Variants in MAP2 observed in about 807,000 individuals in gnomAD.
The protein encoded by MAP2 is microtubule associated protein 2, also known as microtubule-associated protein 2.
MAP2 carries 14 observed loss-of-function variants against 137.6 expected under a neutral mutation model. The ratio of observed to expected loss-of-function variants is 0.10; its 90% CI spans 0.07 to 0.16. The LOEUF (loss-of-function observed/expected upper bound fraction) is 0.16. Among genes scored for constraint, MAP2 ranks in the 10% least tolerant of loss-of-function variants. MAP2 has a pLI of 1.00. For missense variants in MAP2, 2,088 were observed against 2,191.5 expected, an observed-to-expected ratio of 0.95 and a Z score of 0.94; for synonymous variants, 786 against 782.3, an observed-to-expected ratio of 1.00 and a Z score of -0.08.
rs1489707161 is a variant in MAP2 at position 209,600,694 on chromosome 2, G to A, written c.-107+20594G>A. Among the ~76,000 whole-genome samples the A allele has an allele frequency of 5.9e-5, 9 of 152,066 alleles. No homozygotes were observed. The South Asian group carries it at 1.2e-3, about 21-fold the overall frequency. On this transcript the variant is annotated intron_variant, in intron 3 of 15. Coordinates refer to ENST00000682079, the MANE Select transcript of MAP2 (RefSeq NM_001375505.1). ...GAGTCCTCAGTCAGTCCCTATTAAG[G>A]GCAAACCTCCTTGTAGGGCTGACAG...
At chr2:209,581,908 A>G (rs115928745) in intron 3 of MAP2, among the ~76,000 whole-genome samples, 261 of 152,262 alleles carry the variant, frequency 1.7e-3, no homozygotes, top group African/African-American at 6.0e-3. Context: ...CGGTATGCTG[A>G]CAAAATGCAT....
At chr2:209,650,613 G>A (rs552111847) in intron 4 of MAP2, among the ~76,000 whole-genome samples, 4 of 152,182 alleles carry the variant, frequency 2.6e-5, no homozygotes, top group Non-Finnish European at 2.9e-5. Context: ...ATCCTGAAAC[G>A]AAAACGAAAG....
intron 3 of MAP2, among the ~76,000 whole-genome samples, chr2:209,590,613 G>T (rs567265425): frequency 6.6e-6 from 1 of 152,140 alleles, no homozygotes; most frequent in Non-Finnish European, 1.5e-5. Flanking sequence ...GAGATTACAG[G>T]TGTCAGCCAC....
At chr2:209,610,340 C>T (rs1490105659) in intron 3 of MAP2, among the ~76,000 whole-genome samples, 1 of 151,938 alleles carries the variant, frequency 6.6e-6, no homozygotes, top group Non-Finnish European at 1.5e-5. Context: ...GCCAAATCTT[C>T]CAGGACAAGG....
intron 13 of MAP2, among the ~76,000 whole-genome samples, chr2:209,719,664 A>G (rs565004433): frequency 3.3e-5 from 5 of 152,310 alleles, no homozygotes; most frequent in Admixed American, 2.6e-4. Context: ...GATCACTTCA[A>G]TTAAACCGTG....
At chr2:209,502,042 T>TTA (rs2150127351) in intron 1 of MAP2, among the ~76,000 whole-genome samples, 1 of 152,312 alleles carries the variant, frequency 6.6e-6, no homozygotes, top group South Asian at 2.1e-4. Context: ...AGTGAATTGA[T>TTA]TACTAGAGTG....
intron 3 of MAP2, among the ~76,000 whole-genome samples, chr2:209,598,910 G>A (rs945355017): frequency 6.6e-5 from 10 of 151,234 alleles, no homozygotes; most frequent in Non-Finnish European, 1.2e-4. Flanking sequence ...ATAAACATAC[G>A]TGTGCATGTG....
chr2:209,542,297 T>C (rs1559299053), intron 2 of MAP2, among the ~76,000 whole-genome samples: 1 of 152,250 alleles, frequency 6.6e-6, no homozygotes. Context: ...TGTAAACAGA[T>C]ATGCTATCAT....
intron 5 of MAP2, among the ~76,000 whole-genome samples, chr2:209,659,865 C>G (rs995774039): frequency 6.6e-6 from 1 of 151,828 alleles, no homozygotes; most frequent in Non-Finnish European, 1.5e-5. Flanking sequence ...TGTGAAACCC[C>G]GTCTCTACTG....
chr2:209,622,098 A>G (rs2091343046), intron 3 of MAP2, among the ~76,000 whole-genome samples: 1 of 152,218 alleles, frequency 6.6e-6, no homozygotes, highest in Non-Finnish European at 1.5e-5. Context: ...AACAGTGTTC[A>G]TATCTGGCTC....
chr2:209,638,473 C>T (rs2153569681), intron 4 of MAP2, among the ~76,000 whole-genome samples: 1 of 152,078 alleles, frequency 6.6e-6, no homozygotes, highest in East Asian at 1.9e-4. Flanking sequence ...CCAAATCCAC[C>T]CCTAGAAAAA....
At chr2:209,522,066 G>A (rs759414269) in intron 2 of MAP2, among the ~76,000 whole-genome samples, 7 of 152,076 alleles carry the variant, frequency 4.6e-5, no homozygotes, top group Non-Finnish European at 7.4e-5. Flanking sequence ...GACCTGTGTC[G>A]AGCTGCTTCT....
At chr2:209,516,467 G>C (rs1474254981) in intron 2 of MAP2, among the ~76,000 whole-genome samples, 4 of 152,034 alleles carry the variant, frequency 2.6e-5, no homozygotes, top group Admixed American at 6.6e-5. Flanking sequence ...GCATCTTTAA[G>C]GGGTTTTAAG....
chr2:209,496,096 A>G (rs181704002), intron 1 of MAP2, among the ~76,000 whole-genome samples: 6 of 152,194 alleles, frequency 3.9e-5, no homozygotes, highest in Admixed American at 1.3e-4. Context: ...CTCGCTTCCT[A>G]TGATGTTTTG....
Position 209,524,037 on chromosome 2 carries a change from GC to G in MAP2, c.-172+16397del, listed in dbSNP as rs890773362. 1.1e-4 allele frequency among the ~76,000 whole-genome samples: 17 copies of G among 151,784 alleles called. 1 individual carries two copies. The highest frequency in any genetic ancestry group is 2.4e-4 in the Non-Finnish European group (16 of 67,950). ...TGCTAAATACTCAAAATTTATTTGAGCTTTTTTTTTTATTAAATGCAGCGAA... is the reference window on the plus strand; with the variant it reads ...TGCTAAATACTCAAAATTTATTTGAGTTTTTTTTTTATTAAATGCAGCGAA... On this transcript the variant is annotated intron_variant, in intron 2 of 15. Coordinates refer to ENST00000682079, the MANE Select transcript of MAP2 (RefSeq NM_001375505.1).
intron 5 of MAP2, among the ~76,000 whole-genome samples, chr2:209,675,549 CTATT>C (rs1229777481): frequency 6.6e-6 from 1 of 151,794 alleles, no homozygotes; most frequent in African/African-American, 2.4e-5. Context: ...TTTTCAAAGT[CTATT>C]TATACAGTGT....
In MAP2 at chr2:209,532,885, A is replaced by G. The variant is rs549259646; in HGVS notation, c.-172+25244A>G. On this transcript the variant is annotated intron_variant, in intron 2 of 15. Transcript: ENST00000682079. ...CTCAGTGGTGATTTTCATGTATCTT[A>G]AAAACTAGGCTTAGCCTGCTCTCTG... Among the ~76,000 whole-genome samples, 9 of 152,284 alleles carry G rather than the reference A, an allele frequency of 5.9e-5. No individual in the cohort carries two copies. In the South Asian group the frequency reaches 1.9e-3, roughly 32 times the overall value.
chr2:209,464,946 G>C (rs1046095859), intron 1 of MAP2, among the ~76,000 whole-genome samples: 1 of 152,060 alleles, frequency 6.6e-6, no homozygotes, highest in Non-Finnish European at 1.5e-5. Context: ...ATAATTGTGT[G>C]TGTAAATATA....
At chr2:209,697,481 A>G (rs2060503030) in intron 10 of MAP2, among the ~76,000 whole-genome samples, 1 of 152,154 alleles carries the variant, frequency 6.6e-6, no homozygotes, top group African/African-American at 2.4e-5. Flanking sequence ...ATGTTGATGA[A>G]TTTATTGAAA....
Sources: allele counts gnomAD v4.1 joint callset (sites outside exome capture counted in the v4.1 genomes callset), GRCh38; gene constraint gnomAD v4.1.1; transcripts MANE v1.5; gene names NCBI Gene and HGNC (gene_info 2026-07-23, HGNC 2026-07-21).